ARK2C: variants seen among roughly 807,000 people sequenced by gnomAD.
ARK2C encodes E3 ubiquitin-protein ligase ARK2C.
the ARK2C span, among the ~76,000 whole-genome samples, chr18:46,398,907 A>G: frequency 2.6e-5 from 4 of 152,170 alleles, no homozygotes; most frequent in Non-Finnish European, 5.9e-5. Context: ...TAGGATGCAC[A>G]TGTAGGGCAG....
the ARK2C span, chr18:46,336,375 C>T: frequency 2.1e-6 from 2 of 972,342 alleles, no homozygotes; most frequent in Non-Finnish European, 2.4e-6. Context: ...TCTCCCTCAC[C>T]CCCCCCAACA....
chr18:46,420,051 C>T, the ARK2C span, among the ~76,000 whole-genome samples: 3 of 152,114 alleles, frequency 2.0e-5, no homozygotes, highest in Non-Finnish European at 4.4e-5. Context: ...ACCCTGGCTC[C>T]CTCTGAAAGC....
the ARK2C span, among the ~76,000 whole-genome samples, chr18:46,347,077 A>G: frequency 2.0e-5 from 3 of 152,100 alleles, no homozygotes; most frequent in Admixed American, 6.5e-5. Flanking sequence ...GAGGTCACTG[A>G]GGCCTGGAGA....
chr18:46,447,765 G>A, the ARK2C span: 2 of 1,578,998 alleles, frequency 1.3e-6, no homozygotes. Flanking sequence ...GGTCCCCTGT[G>A]CCCTGGCTGC....
the ARK2C span, among the ~76,000 whole-genome samples, chr18:46,347,809 T>C: frequency 0.031 from 4,728 of 152,116 alleles, 232 homozygotes; most frequent in African/African-American, 0.11. Flanking sequence ...ATCTGTAAAA[T>C]GGGAATAATT....
chr18:46,456,271 C>G, the ARK2C span, among the ~76,000 whole-genome samples: 8 of 152,104 alleles, frequency 5.3e-5, no homozygotes, highest in African/African-American at 1.7e-4. Context: ...TGCCCGGGTA[C>G]GGACGCGAGG....
chr18:46,357,604 C>A, the ARK2C span, among the ~76,000 whole-genome samples: 1 of 152,178 alleles, frequency 6.6e-6, no homozygotes, highest in Non-Finnish European at 1.5e-5. Context: ...GGCCACCAGT[C>A]CCTCTCTATC....
the ARK2C span, among the ~76,000 whole-genome samples, chr18:46,413,901 G>A: frequency 0.091 from 13,889 of 152,116 alleles, 1,212 homozygotes; most frequent in East Asian, 0.39. Flanking sequence ...ATCCTTCCAG[G>A]AATCATCTGC....
At chr18:46,406,079 A>G in the ARK2C span, among the ~76,000 whole-genome samples, 12 of 152,014 alleles carry the variant, frequency 7.9e-5, no homozygotes, top group African/African-American at 2.9e-4. Flanking sequence ...ACACTCACAC[A>G]CTGACCTTGT....
the ARK2C span, among the ~76,000 whole-genome samples, chr18:46,357,048 T>C: frequency 2.0e-5 from 3 of 152,198 alleles, no homozygotes; most frequent in Non-Finnish European, 2.9e-5. Context: ...TCCCAGGCCC[T>C]ACACCAGATC....
At chr18:46,428,492 G>A in the ARK2C span, among the ~76,000 whole-genome samples, 1 of 152,178 alleles carries the variant, frequency 6.6e-6, no homozygotes, top group Admixed American at 6.5e-5. Context: ...AGTGGTCACT[G>A]CTCCACTCTA....
chr18:46,344,476 G>C, the ARK2C span, among the ~76,000 whole-genome samples: 1 of 151,670 alleles, frequency 6.6e-6, no homozygotes, highest in South Asian at 2.1e-4. Flanking sequence ...CCACCTCCTA[G>C]AACACCTGCT....
the ARK2C span, among the ~76,000 whole-genome samples, chr18:46,423,855 A>C: frequency 2.6e-5 from 4 of 152,098 alleles, no homozygotes. Flanking sequence ...CTTCATCCTT[A>C]CCTGTTCTAA....
chr18:46,432,843 G>GT, the ARK2C span, among the ~76,000 whole-genome samples: 1 of 152,214 alleles, frequency 6.6e-6, no homozygotes, highest in African/African-American at 2.4e-5. Context: ...TACTCGGGAG[G>GT]CTGAGGCAGG....
chr18:46,463,040 G>A, the ARK2C span: 1 of 152,246 alleles, frequency 6.6e-6, no homozygotes, highest in South Asian at 2.1e-4. Flanking sequence ...TCAATGAAAA[G>A]GCGGAGACAT....
At chr18:46,334,824 T>G in the ARK2C span, 159,758 of 206,198 alleles carry the variant, frequency 0.77, 62,460 homozygotes, top group East Asian at 0.88. The surrounding 1 kb of genome is among the most constrained non-coding windows in gnomAD (Gnocchi z 4.4). Flanking sequence ...TCATTTTTTG[T>G]TCATTAGTAC....
At chr18:46,355,657 C>A in the ARK2C span, among the ~76,000 whole-genome samples, 1 of 152,228 alleles carries the variant, frequency 6.6e-6, no homozygotes, top group Admixed American at 6.5e-5. Flanking sequence ...GCTCCTCCAG[C>A]AGCCACAATC....
At chr18:46,383,102 C>T in the ARK2C span, among the ~76,000 whole-genome samples, 10 of 152,352 alleles carry the variant, frequency 6.6e-5, no homozygotes, top group East Asian at 1.5e-3. Context: ...CAGGAGCAGG[C>T]CAAGGGCCTA....
At chr18:46,357,216 A>G in the ARK2C span, among the ~76,000 whole-genome samples, 4 of 152,208 alleles carry the variant, frequency 2.6e-5, no homozygotes, top group African/African-American at 4.8e-5. Context: ...TGTTCCTCCC[A>G]CCTCACCCTT....
Sources: gnomAD v4.1 joint callset for allele counts (sites outside exome capture counted in the v4.1 genomes callset) on GRCh38, gnomAD v4.1.1 for gene constraint, Gnocchi (gnomAD v3.1) non-coding constraint, MANE v1.5 for transcripts, NCBI Gene and HGNC (gene_info 2026-07-23, HGNC 2026-07-21) for gene names.